KLF8: variants seen among roughly 807,000 people sequenced by gnomAD.
KLF8 encodes Krueppel-like factor 8.
Under a neutral mutation model 18.2 loss-of-function variants are expected in KLF8, and 10 were observed. The observed-to-expected ratio is 0.55, with a 90% CI of 0.34 to 0.93. The LOEUF (loss-of-function observed/expected upper bound fraction) is 0.93. Ranked by LOEUF, KLF8 falls within the 40% of genes least tolerant of loss-of-function variation. The probability of loss-of-function intolerance (pLI) is 0.02; values close to 1 mark genes in which losing one functional copy is unlikely to be tolerated. For missense variants in KLF8, 264 were observed against 277.9 expected (o/e 0.95, Z 0.36); for synonymous variants, 109 against 97.3 (o/e 1.12, Z -0.71).
the KLF8 span, among the ~76,000 whole-genome samples, chrX:56,149,473 A>G: frequency 1.8e-5 from 2 of 110,659 alleles, no homozygotes; most frequent in Non-Finnish European, 3.8e-5. Flanking sequence ...AAAGCTACCT[A>G]TTGGGCACTA....
the KLF8 span, among the ~76,000 whole-genome samples, chrX:56,143,065 A>G: frequency 9.0e-6 from 1 of 111,491 alleles, no homozygotes; most frequent in African/African-American, 3.3e-5. Flanking sequence ...AAGCCTGATC[A>G]TGACCTCCAA....
the KLF8 span, among the ~76,000 whole-genome samples, chrX:56,040,394 G>A: frequency 9.0e-6 from 1 of 111,698 alleles, no homozygotes; most frequent in Non-Finnish European, 1.9e-5. Flanking sequence ...TTTGACTTCT[G>A]TTCCCTCGAT....
intron 5 of KLF8, among the ~76,000 whole-genome samples, chrX:56,281,008 CAGACTAACTTTT>C (rs1312219561): frequency 8.9e-6 from 1 of 111,846 alleles, no homozygotes. Context: ...TTGAGTTAAA[CAGACTAACTTTT>C]AGACTAACTT....
chrX:56,040,401 C>T, the KLF8 span, among the ~76,000 whole-genome samples: 8 of 111,676 alleles, frequency 7.2e-5, no homozygotes, highest in South Asian at 3.7e-4. Context: ...TCTGTTCCCT[C>T]GATACCTAGT....
the KLF8 span, among the ~76,000 whole-genome samples, chrX:56,140,162 T>C: frequency 1.8e-5 from 2 of 112,331 alleles, no homozygotes; most frequent in African/African-American, 6.5e-5. Flanking sequence ...CTAGTGGAAA[T>C]GTAAATTAGT....
At chrX:56,078,564 T>C in the KLF8 span, among the ~76,000 whole-genome samples, 1 of 112,156 alleles carries the variant, frequency 8.9e-6, no homozygotes, top group Admixed American at 9.4e-5. Context: ...TTGAGGATTT[T>C]TGCATCAATG....
chrX:56,131,523 C>T, the KLF8 span, among the ~76,000 whole-genome samples: 1 of 110,804 alleles, frequency 9.0e-6, no homozygotes, highest in Non-Finnish European at 1.9e-5. Flanking sequence ...GGAAATACAT[C>T]AAAACAGAAC....
chrX:56,113,162 C>T, the KLF8 span, among the ~76,000 whole-genome samples: 1 of 105,607 alleles, frequency 9.5e-6, no homozygotes, highest in Non-Finnish European at 1.9e-5. Flanking sequence ...TATGCCACTG[C>T]ACTCCAGCCT....
At chrX:56,102,479 C>T in the KLF8 span, among the ~76,000 whole-genome samples, 1 of 111,047 alleles carries the variant, frequency 9.0e-6, no homozygotes, top group South Asian at 3.8e-4. Flanking sequence ...TTTTTTCCCT[C>T]TAATTCTGTG....
the KLF8 span, among the ~76,000 whole-genome samples, chrX:56,218,238 C>T: frequency 9.1e-6 from 1 of 110,393 alleles, no homozygotes. Flanking sequence ...AGTATGTAAA[C>T]TCACCCCTAC....
the KLF8 span, among the ~76,000 whole-genome samples, chrX:56,056,774 A>G: frequency 4.6e-4 from 46 of 99,527 alleles, no homozygotes; most frequent in Non-Finnish European, 8.0e-4. Context: ...CAATGTGCAC[A>G]TGTACCCTAA....
At chrX:56,253,096 A>G (rs746692637) in intron 2 of KLF8, among the ~76,000 whole-genome samples, 6 of 112,437 alleles carry the variant, frequency 5.3e-5, no homozygotes, top group African/African-American at 9.7e-5. Flanking sequence ...AGCTCATTAT[A>G]TATTCTGGTG....
At chrX:56,250,815 A>G (rs902665955) in intron 2 of KLF8, among the ~76,000 whole-genome samples, 4 of 111,674 alleles carry the variant, frequency 3.6e-5, no homozygotes, top group Non-Finnish European at 7.5e-5. Context: ...AAACCCCATC[A>G]GGGGTAGGCC....
chrX:56,111,492 A>G, the KLF8 span, among the ~76,000 whole-genome samples: 13,978 of 111,920 alleles, frequency 0.12, 1,567 homozygotes, highest in African/African-American at 0.36. Context: ...ATCTAATTAA[A>G]CTAAAGAGCT....
At chrX:56,221,395 G>A in the KLF8 span, among the ~76,000 whole-genome samples, 1 of 111,886 alleles carries the variant, frequency 8.9e-6, no homozygotes, top group African/African-American at 3.3e-5. Context: ...TCCTTATCCA[G>A]ACCTCTAGGG....
chrX:55,912,051 G>C, the KLF8 span, among the ~76,000 whole-genome samples: 2 of 111,851 alleles, frequency 1.8e-5, no homozygotes, highest in African/African-American at 6.5e-5. Context: ...GTGCAGTAAA[G>C]GTTGAGAACC....
chrX:56,183,220 T>A, the KLF8 span, among the ~76,000 whole-genome samples: 1 of 112,065 alleles, frequency 8.9e-6, no homozygotes, highest in South Asian at 3.7e-4. Context: ...GATCTTGGAC[T>A]GCTGTACTAG....
At chrX:56,172,741 A>G in the KLF8 span, among the ~76,000 whole-genome samples, 1 of 111,523 alleles carries the variant, frequency 9.0e-6, no homozygotes, top group African/African-American at 3.3e-5. Flanking sequence ...AAGTGTTCCT[A>G]TTTCTCCACA....
At chrX:56,012,134 A>G in the KLF8 span, among the ~76,000 whole-genome samples, 4 of 111,960 alleles carry the variant, frequency 3.6e-5, no homozygotes, top group Non-Finnish European at 7.5e-5. Flanking sequence ...ACCAAAACCT[A>G]GCAGATATAC....
Sources: allele counts gnomAD v4.1 joint callset (sites outside exome capture counted in the v4.1 genomes callset), GRCh38; gene constraint gnomAD v4.1.1; transcripts MANE v1.5; gene names NCBI Gene and HGNC (gene_info 2026-07-23, HGNC 2026-07-21).